Variants in MYO6 observed in about 807,000 individuals in gnomAD.
MYO6 encodes the protein unconventional myosin-VI.
In MYO6, 74 loss-of-function variants were observed where a neutral mutation model predicts 178.7. That is an observed-to-expected ratio of 0.41 (90% CI 0.34 to 0.50). The LOEUF (loss-of-function observed/expected upper bound fraction) is 0.50, where lower values mean the gene tolerates loss of function less well. Ranked by LOEUF, MYO6 falls within the 20% of genes least tolerant of loss-of-function variation. The pLI, the probability that MYO6 is intolerant of heterozygous loss-of-function variation, is 0.09. For synonymous variants in MYO6, 477 were observed against 504.6 expected (o/e 0.95, Z 0.73); for missense variants, 1,330 against 1,547.4 (o/e 0.86, Z 2.36).
intron 1 of MYO6, 21 bp from the exon 2 acceptor site, chr6:75,817,479 TG>T (rs555262928): frequency 8.7e-6 from 10 of 1,146,328 alleles, no homozygotes; most frequent in Non-Finnish European, 1.2e-5. Context: ...TTCATGTTGC[TG>T]TATTTGTTCC....
intron 1 of MYO6, among the ~76,000 whole-genome samples, chr6:75,789,397 T>C (rs1331751905): frequency 1.3e-5 from 2 of 152,202 alleles, no homozygotes; most frequent in Non-Finnish European, 2.9e-5. Flanking sequence ...TCACTGTATG[T>C]CATAGCTTTT....
chr6:75,829,990 G>A (rs1186935685), intron 4 of MYO6, among the ~76,000 whole-genome samples: 2 of 152,122 alleles, frequency 1.3e-5, no homozygotes, highest in Non-Finnish European at 2.9e-5. Context: ...GAATACAAAT[G>A]ACTAAAACTT....
intron 1 of MYO6, among the ~76,000 whole-genome samples, chr6:75,763,252 C>T (rs1406172998): frequency 6.6e-6 from 1 of 152,022 alleles, no homozygotes; most frequent in Non-Finnish European, 1.5e-5. Context: ...TCTTGAACTC[C>T]TGACCTCATG....
intron 33 of MYO6, among the ~76,000 whole-genome samples, chr6:75,912,732 G>T (rs1010419824): frequency 6.6e-6 from 1 of 152,054 alleles, no homozygotes; most frequent in Admixed American, 6.5e-5. Context: ...CAACAATGTA[G>T]GGAGTTTTGA....
Position 75,905,794 on chromosome 6 carries a change from A to T in MYO6, c.3177-1811A>T, listed in dbSNP as rs1165733107. On this transcript the variant is annotated intron_variant, in intron 30 of 34. Coordinates refer to ENST00000369977, the MANE Select transcript of MYO6 (RefSeq NM_004999.4). Reference sequence around the variant, plus strand: ...ATATGTAACTAAGAATCACTATGTCAAAGAATTTTAAGTATGTAGGATGAA... The same window carrying T: ...ATATGTAACTAAGAATCACTATGTCTAAGAATTTTAAGTATGTAGGATGAA... Among the ~76,000 whole-genome samples the T allele has an allele frequency of 3.3e-5, 5 of 152,378 alleles. No homozygotes were observed. The East Asian group carries it at 9.6e-4, about 29-fold the overall frequency.
In MYO6 at chr6:75,879,875, T is replaced by G; in HGVS notation, c.2133T>G (p.Phe711Leu). The G allele has an allele frequency of 1.9e-6, 3 of 1,614,188 alleles. No homozygotes were observed. The highest frequency in any genetic ancestry group is 2.5e-6 in the Non-Finnish European group (3 of 1,180,028). ...GTGGTTACCCATCACGAGCTTCATTTCATGAACTCTACAACATGTACAAAA... is the reference window on the plus strand; with the variant it reads ...GTGGTTACCCATCACGAGCTTCATTGCATGAACTCTACAACATGTACAAAA... ...MQGGYPSRASFHELYNMYKKY... is the reference protein window; with the variant it reads ...MQGGYPSRASLHELYNMYKKY... The change falls in exon 21 of 35, where the codon TTT becomes TTG. Residue 711 changes from phenylalanine (F) to leucine (L), a missense_variant. Phe to Leu is a conservative substitution (Grantham distance 22). Around this residue, in one of 3 missense-constraint regions of MYO6, gnomAD observed 613 missense variants for 816.8 expected, o/e 0.75. Coordinates refer to ENST00000369977, the MANE Select transcript of MYO6 (RefSeq NM_004999.4).
In MYO6 at chr6:75,886,023, T is replaced by C. The variant is rs546139074; in HGVS notation, c.2436T>C (p.Tyr812=). ...SVIKLKNKIK[Y]RAEACIKMQK... is the part of the protein sequence containing the mutation. Reference sequence around the variant, plus strand: ...ACATAGTGAAAAACAAAATAAAATATCGAGCTGAAGCCTGCATTAAAATGC... The same window carrying C: ...ACATAGTGAAAAACAAAATAAAATACCGAGCTGAAGCCTGCATTAAAATGC... The change falls in exon 24 of 35, where the codon TAT becomes TAC. Residue 812 remains tyrosine (Y), a synonymous_variant. Transcript: ENST00000369977. The C allele has an allele frequency of 2.5e-6, 4 of 1,607,700 alleles. No individual in the cohort carries two copies. In the African/African-American group the frequency reaches 4.0e-5, roughly 16 times the overall value.
At chr6:75,799,774 G>A (rs946920629) in intron 1 of MYO6, among the ~76,000 whole-genome samples, 4 of 152,120 alleles carry the variant, frequency 2.6e-5, no homozygotes, top group African/African-American at 9.7e-5. Context: ...GAAAAGATGA[G>A]AAGGAGAGGG....
At chr6:75,801,657 A>G (rs1769466067) in intron 1 of MYO6, among the ~76,000 whole-genome samples, 1 of 152,024 alleles carries the variant, frequency 6.6e-6, no homozygotes, top group Non-Finnish European at 1.5e-5. Context: ...AAATAATTTG[A>G]GGGCTGGGCA....
rs1463516017 is a variant in MYO6 at position 75,918,443 on chromosome 6, A to G, written c.*3431A>G. On this transcript the variant is annotated 3_prime_UTR_variant, in exon 35 of 35. Transcript: ENST00000369977. Reference sequence around the variant, plus strand: ...GGACACAGAGCACTCCTAGATCTCTACGAAATTTTAGAATGAATAATGTGT... The same window carrying G: ...GGACACAGAGCACTCCTAGATCTCTGCGAAATTTTAGAATGAATAATGTGT... The G allele has an allele frequency of 6.6e-6, 1 of 152,206 alleles. No individual in the cohort carries two copies. Among genetic ancestry groups the G allele is most frequent in the African/African-American group, 2.4e-5 (1 of 41,452 alleles). 9.4% of individuals were successfully genotyped at this position (152,206 alleles called of 1,614,324 possible).
intron 1 of MYO6, among the ~76,000 whole-genome samples, chr6:75,756,783 G>A (rs1243456867): frequency 6.6e-6 from 1 of 152,026 alleles, no homozygotes; most frequent in African/African-American, 2.4e-5. Flanking sequence ...GAGGGGCAGA[G>A]ATGTTAAATT....
chr6:75,821,689 AT>A (rs1473821432), intron 2 of MYO6, among the ~76,000 whole-genome samples: 1 of 151,916 alleles, frequency 6.6e-6, no homozygotes, highest in Non-Finnish European at 1.5e-5. Flanking sequence ...TAATTGAACC[AT>A]TTTTCCCTGC....
chr6:75,842,185 C>T (rs772829300), intron 9 of MYO6, among the ~76,000 whole-genome samples: 7 of 149,456 alleles, frequency 4.7e-5, no homozygotes, highest in East Asian at 3.9e-4. Flanking sequence ...TGGTGGGAAA[C>T]GCACACACAC....
intron 2 of MYO6, 51 bp downstream of exon 2, chr6:75,817,715 T>TTCAAAATTTCTTTCAAAAA: frequency 6.7e-7 from 1 of 1,501,774 alleles, no homozygotes; most frequent in Non-Finnish European, 9.3e-7. Flanking sequence ...AAAATAGGTG[T>TTCAAAATTTCTTTCAAAAA]TTTTTTTCAC....
At chr6:75,789,390 C>T (rs1768000167) in intron 1 of MYO6, among the ~76,000 whole-genome samples, 1 of 152,162 alleles carries the variant, frequency 6.6e-6, no homozygotes, top group Non-Finnish European at 1.5e-5. Flanking sequence ...ATATTATTCA[C>T]TGTATGTCAT....
At chr6:75,790,085 G>A (rs949096694) in intron 1 of MYO6, among the ~76,000 whole-genome samples, 2 of 151,876 alleles carry the variant, frequency 1.3e-5, no homozygotes, top group Non-Finnish European at 2.9e-5. Flanking sequence ...TTTTTGTGGC[G>A]GAATACTATT....
intron 1 of MYO6, among the ~76,000 whole-genome samples, chr6:75,806,860 C>T (rs1333415041): frequency 1.3e-5 from 2 of 152,226 alleles, no homozygotes; most frequent in Non-Finnish European, 2.9e-5. Context: ...GTTCGGGGCT[C>T]TCAGCTCTGA....
intron 16 of MYO6, among the ~76,000 whole-genome samples, chr6:75,863,716 C>T (rs1170920554): frequency 6.6e-6 from 1 of 151,870 alleles, no homozygotes; most frequent in African/African-American, 2.4e-5. Flanking sequence ...AATCTCTTGA[C>T]CTCATGATCT....
chr6:75,753,871 C>G lies in MYO6; in HGVS notation c.-48+4448C>G, dbSNP rs371687283. On this transcript the variant is annotated intron_variant, in intron 1 of 34. Transcript: ENST00000369977. ...TCTTTAAATATTTTGCAACGTCTTT[C>G]TAGTTACTGTTTTCAAAAATTAGCT... 1.1e-4 allele frequency among the ~76,000 whole-genome samples: 17 copies of G among 152,104 alleles called. No homozygotes were observed. In the East Asian group the frequency reaches 1.3e-3, roughly 12 times the overall value.
Sources: allele counts gnomAD v4.1 joint callset (sites outside exome capture counted in the v4.1 genomes callset), GRCh38; gene constraint gnomAD v4.1.1; regional missense constraint gnomAD v4.1.1; transcripts MANE v1.5; gene names NCBI Gene and HGNC (gene_info 2026-07-23, HGNC 2026-07-21).